Variants in TUBB8 observed in about 807,000 individuals in gnomAD.
The protein encoded by TUBB8 is tubulin beta-8 chain.
In TUBB8, 25 loss-of-function variants were observed where a neutral mutation model predicts 33.7. The ratio of observed to expected loss-of-function variants is 0.74; its 90% CI spans 0.54 to 1.04. TUBB8 has a LOEUF of 1.04. Ranked by LOEUF, TUBB8 falls within the 50% of genes least tolerant of loss-of-function variation. The pLI, the probability that TUBB8 is intolerant of heterozygous loss-of-function variation, is 0.00. For synonymous variants in TUBB8, 245 were observed against 240.1 expected, an observed-to-expected ratio of 1.02 and a Z score of -0.19; for missense variants, 279 against 608.0, an observed-to-expected ratio of 0.46 and a Z score of 5.69.
At position 49,260 on chromosome 10, in the gene TUBB8, G is replaced by A. The variant is rs1554739078; in HGVS notation, c.-22C>T. ...TCATGGCCAAGGCGGGATTAGGACG[G>A]CAGGAGAAACGTGAGAAGGAGGAGC... is the stretch of plus-strand genomic sequence containing the variant. On this transcript the variant is annotated 5_prime_UTR_variant, in exon 1 of 4. Coordinates refer to ENST00000568584, the MANE Select transcript of TUBB8 (RefSeq NM_177987.3). The A allele has an allele frequency of 1.0e-5, 16 of 1,576,872 alleles. No homozygotes were observed. The highest frequency in any genetic ancestry group is 4.1e-5 in the African/African-American group (3 of 73,936).
In TUBB8 at chr10:47,294, G is replaced by A. The variant is rs1402149753; in HGVS notation, c.1098C>T (p.Thr366=). 1.2e-6 allele frequency: 2 copies of A among 1,613,682 alleles called. No homozygotes were observed. The highest frequency in any genetic ancestry group is 8.5e-7 in the Non-Finnish European group (1 of 1,180,028). Residue 366 remains threonine, a synonymous_variant, in exon 4 of 4, where the codon ACC becomes ACT. Coordinates refer to ENST00000568584, the MANE Select transcript of TUBB8 (RefSeq NM_177987.3). Reference sequence around the variant, plus strand: ...GGATGGCCGTATTATTCCCAATGAAGGTGGCTGACATTTTTAGCCCCCGGG... The same window carrying A: ...GGATGGCCGTATTATTCCCAATGAAAGTGGCTGACATTTTTAGCCCCCGGG... ...IPPRGLKMSA[T]FIGNNTAIQE...
upstream of TUBB8, among the ~76,000 whole-genome samples, chr10:50,529 G>A (rs4468273): frequency 0.27 from 41,255 of 151,884 alleles, 6,588 homozygotes; most frequent in Non-Finnish European, 0.36. Context: ...TACATGGTCA[G>A]TCTCTCTTTT....
chr10:76,373 G>A (rs1401274384), upstream of TUBB8, among the ~76,000 whole-genome samples: 2 of 152,160 alleles, frequency 1.3e-5, no homozygotes, highest in Non-Finnish European at 1.5e-5. Context: ...AGGGACGCTC[G>A]TACAAAGTGA....
chr10:47,105 C>T lies in TUBB8; in HGVS notation c.1287G>A (p.Thr429=), dbSNP rs782681721. Residue 429 remains threonine (T), a synonymous_variant, in exon 4 of 4, where the codon ACG becomes ACA. Transcript: ENST00000568584. ...ACTCCTCATCCTCCTCCTCCTCGGC[C>T]GTGGCATCCTGATATTGCTGATATT... The part of the protein sequence containing the change: ...VSEYQQYQDA[T]AEEEEDEEYA... 1.9e-5 allele frequency: 28 copies of T among 1,470,696 alleles called. No individual in the cohort carries two copies. In the South Asian group the frequency reaches 2.1e-4, roughly 11 times the overall value. 91.1% of individuals were successfully genotyped at this position (1,470,696 alleles called of 1,614,324 possible).
At chr10:50,914 AG>A (rs1159043481), upstream of TUBB8, among the ~76,000 whole-genome samples, 1 of 152,200 alleles carries the variant, frequency 6.6e-6, no homozygotes, top group Non-Finnish European at 1.5e-5. Flanking sequence ...GGGATGGTCC[AG>A]GGAATCATCT....
intron 1 of TUBB8, among the ~76,000 whole-genome samples, chr10:56,732 G>A (rs1554740192): frequency 6.6e-6 from 1 of 152,088 alleles, no homozygotes; most frequent in African/African-American, 2.4e-5. Flanking sequence ...CCAACATTGA[G>A]GATTACATTT....
chr10:61,086 G>GA (rs1342340572), intron 1 of TUBB8, among the ~76,000 whole-genome samples: 2 of 108,892 alleles, frequency 1.8e-5, no homozygotes, highest in South Asian at 7.5e-4. Flanking sequence ...GGGGTGGGGG[G>GA]AGGGGGGAGG....
chr10:67,507 C>T (rs1269894922), intron 1 of TUBB8, among the ~76,000 whole-genome samples: 1 of 152,118 alleles, frequency 6.6e-6, no homozygotes, highest in Non-Finnish European at 1.5e-5. Context: ...TCACTGCAAC[C>T]CCTGCCTCCT....
chr10:61,524 T>C (rs1834601433), intron 1 of TUBB8, among the ~76,000 whole-genome samples: 1 of 152,260 alleles, frequency 6.6e-6, no homozygotes, highest in Admixed American at 6.5e-5. Flanking sequence ...ACTTAACATA[T>C]GGTCTATCCT....
chr10:50,811 CTTGA>C (rs1329147554), upstream of TUBB8, among the ~76,000 whole-genome samples: 1 of 152,240 alleles, frequency 6.6e-6, no homozygotes, highest in Non-Finnish European at 1.5e-5. Context: ...AGGCTTGTGC[CTTGA>C]TTGATTCTCT....
intron 1 of TUBB8, among the ~76,000 whole-genome samples, chr10:57,433 T>C (rs1385388359): frequency 2.3e-4 from 35 of 152,328 alleles, no homozygotes; most frequent in Non-Finnish European, 4.0e-4. Context: ...GCTCCACCCC[T>C]GCAGCATGCT....
rs781964423 is a variant in TUBB8 at position 48,896 on chromosome 10, G to A, written c.74C>T (p.Ser25Phe). The change falls in exon 2 of 4, where the codon TCT becomes TTT. Residue 25 changes from serine to phenylalanine, a missense_variant. Transcript: ENST00000568584. ...AGCGGAGTCGATGGCATGTTCATCA[G>A]AGATCACCTCCCAGAACTGCAAGAG... ...QIGAKFWEVI[S>F]DEHAIDSAGT... 1 of 1,550,120 alleles carries A rather than the reference G, an allele frequency of 6.5e-7. No homozygotes were observed. The highest frequency in any genetic ancestry group is 1.2e-5 in the South Asian group (1 of 85,316).
At position 47,696 on chromosome 10, in the gene TUBB8, G is replaced by A. The variant is rs571032921; in HGVS notation, c.696C>T (p.Thr232=). ...YGDLNHLVSA[T]MSGVTTCLRF... ...GCAGGCACGTGGTGACCCCACTCAT[G>A]GTAGCAGACACCAGGTGGTTCAGGT... is the stretch of plus-strand genomic sequence containing the variant. Residue 232 remains threonine, a synonymous_variant, in exon 4 of 4, where the codon ACC becomes ACT. Coordinates refer to ENST00000568584, the MANE Select transcript of TUBB8 (RefSeq NM_177987.3). The A allele has an allele frequency of 3.1e-6, 5 of 1,612,074 alleles. No homozygotes were observed. The highest frequency in any genetic ancestry group is 1.3e-5 in the African/African-American group (1 of 74,906).
intron 1 of TUBB8, among the ~76,000 whole-genome samples, chr10:73,516 G>T (rs1314518801): frequency 6.6e-6 from 1 of 152,194 alleles, no homozygotes; most frequent in Non-Finnish European, 1.5e-5. Flanking sequence ...GCTGGCGCAT[G>T]CCTGTAATCC....
At chr10:50,688 A>G (rs1834456619), upstream of TUBB8, among the ~76,000 whole-genome samples, 1 of 152,334 alleles carries the variant, frequency 6.6e-6, no homozygotes, top group Non-Finnish European at 1.5e-5. Flanking sequence ...GAAGCACTAA[A>G]AAATCATACT....
chr10:49,716 T>C, upstream of TUBB8: 1 of 387,048 alleles, frequency 2.6e-6, no homozygotes, highest in Non-Finnish European at 5.1e-6. Context: ...CAGGACTCAA[T>C]TATACGTTTT....
chr10:60,286 G>C (rs550487011), intron 1 of TUBB8, among the ~76,000 whole-genome samples: 1 of 152,088 alleles, frequency 6.6e-6, no homozygotes, highest in East Asian at 1.9e-4. Context: ...AGAGTGAACA[G>C]GCAACCTACA....
chr10:57,078 G>A (rs1365328571), intron 1 of TUBB8, among the ~76,000 whole-genome samples: 2 of 152,226 alleles, frequency 1.3e-5, no homozygotes, highest in Non-Finnish European at 2.9e-5. Flanking sequence ...AACCCAGAAG[G>A]GGAGTTATTG....
intron 1 of TUBB8, among the ~76,000 whole-genome samples, chr10:71,485 T>A (rs1360729823): frequency 2.1e-5 from 3 of 144,376 alleles, no homozygotes; most frequent in Non-Finnish European, 4.5e-5. Flanking sequence ...AATACAAAAT[T>A]AGCCGCATGC....
Sources: gnomAD v4.1 joint callset for allele counts (sites outside exome capture counted in the v4.1 genomes callset) on GRCh38, gnomAD v4.1.1 for gene constraint, MANE v1.5 for transcripts, NCBI Gene and HGNC (gene_info 2026-07-23, HGNC 2026-07-21) for gene names.